The following GRID1 variants were observed in gnomAD, a reference collection of about 807,000 sequenced individuals.
GRID1 encodes the protein glutamate receptor ionotropic, delta-1.
In GRID1, 28 loss-of-function variants were observed where a neutral mutation model predicts 98.0. That is an observed-to-expected ratio of 0.29 (90% CI 0.21 to 0.39). GRID1 has a LOEUF of 0.39. Among genes scored for constraint, GRID1 ranks in the 10% least tolerant of loss-of-function variants. GRID1 has a pLI of 1.00. For synonymous variants in GRID1, 553 were observed against 538.5 expected, an observed-to-expected ratio of 1.03 and a Z score of -0.37; for missense variants, 1,111 against 1,340.5, an observed-to-expected ratio of 0.83 and a Z score of 2.67.
At chr10:85,686,906 AT>A (rs1472485371) in intron 12 of GRID1, among the ~76,000 whole-genome samples, 1 of 152,150 alleles carries the variant, frequency 6.6e-6, no homozygotes, top group African/African-American at 2.4e-5. Context: ...AGGACCTAAT[AT>A]TTATCAACTC....
At chr10:86,127,671 T>C (rs1844773952) in intron 4 of GRID1, among the ~76,000 whole-genome samples, 1 of 152,122 alleles carries the variant, frequency 6.6e-6, no homozygotes, top group African/African-American at 2.4e-5. Context: ...CTTTGTCACT[T>C]TTTCCTAGCC....
intron 5 of GRID1, among the ~76,000 whole-genome samples, chr10:85,900,816 T>C (rs1841371070): frequency 6.6e-6 from 1 of 152,176 alleles, no homozygotes; most frequent in African/African-American, 2.4e-5. Flanking sequence ...TCAGTACATG[T>C]ATGACGAATG....
chr10:86,096,036 C>A (rs1034974521), intron 4 of GRID1, among the ~76,000 whole-genome samples: 2 of 152,148 alleles, frequency 1.3e-5, no homozygotes, highest in African/African-American at 4.8e-5. Context: ...AATGAATTAA[C>A]AACATTTGCA....
At chr10:85,824,572 G>GT (rs1842802158) in intron 8 of GRID1, among the ~76,000 whole-genome samples, 1 of 152,064 alleles carries the variant, frequency 6.6e-6, no homozygotes, top group African/African-American at 2.4e-5. Flanking sequence ...AGCTTTTCAG[G>GT]TACAAGTGGT....
At chr10:85,733,137 C>T (rs1841843615) in intron 8 of GRID1, among the ~76,000 whole-genome samples, 1 of 152,200 alleles carries the variant, frequency 6.6e-6, no homozygotes, top group Admixed American at 6.5e-5. Flanking sequence ...TTTATCACAA[C>T]TAATGAATGT....
intron 8 of GRID1, among the ~76,000 whole-genome samples, chr10:85,812,124 TAA>T (rs977034752): frequency 6.6e-6 from 1 of 152,052 alleles, no homozygotes; most frequent in African/African-American, 2.4e-5. Flanking sequence ...GAGGGAGAAA[TAA>T]AGTCTTTCCC....
intron 8 of GRID1, among the ~76,000 whole-genome samples, chr10:85,828,349 G>A (rs113275916): frequency 0.016 from 2,434 of 151,856 alleles, 61 homozygotes; most frequent in African/African-American, 0.055. Flanking sequence ...GAAAGATCTC[G>A]AATGAACAAC....
At chr10:85,892,318 G>C (rs1322432950) in intron 5 of GRID1, among the ~76,000 whole-genome samples, 1 of 151,152 alleles carries the variant, frequency 6.6e-6, no homozygotes, top group Non-Finnish European at 1.5e-5. Flanking sequence ...GGAGAAGAGA[G>C]AGAAGGGGAT....
chr10:85,880,416 T>C (rs1260856955), intron 5 of GRID1, among the ~76,000 whole-genome samples: 1 of 152,202 alleles, frequency 6.6e-6, no homozygotes, highest in Non-Finnish European at 1.5e-5. Context: ...TCAAAAAGCT[T>C]GTCCACCATG....
At chr10:86,335,444 A>G (rs994900885) in intron 2 of GRID1, among the ~76,000 whole-genome samples, 2 of 152,262 alleles carry the variant, frequency 1.3e-5, no homozygotes, top group Non-Finnish European at 2.9e-5. Flanking sequence ...AGGACTTCTC[A>G]GAGCCTTAAA....
chr10:85,842,957 C>CA (rs1842973732), intron 8 of GRID1, among the ~76,000 whole-genome samples: 1 of 150,736 alleles, frequency 6.6e-6, no homozygotes, highest in African/African-American at 2.4e-5. Flanking sequence ...AAAACAAAAA[C>CA]AAAACAAAAA....
intron 6 of GRID1, among the ~76,000 whole-genome samples, chr10:85,856,844 G>A (rs1464577033): frequency 6.6e-6 from 1 of 152,246 alleles, no homozygotes; most frequent in African/African-American, 2.4e-5. Flanking sequence ...ACTGAAAGCA[G>A]TTCAAGACGA....
intron 5 of GRID1, among the ~76,000 whole-genome samples, chr10:85,907,628 T>C (rs1179347404): frequency 6.6e-6 from 1 of 152,184 alleles, no homozygotes; most frequent in Non-Finnish European, 1.5e-5. Flanking sequence ...ATTTATGAAC[T>C]CTTTCAGAAA....
At chr10:86,026,921 G>A (rs540205782) in intron 4 of GRID1, among the ~76,000 whole-genome samples, 1 of 152,164 alleles carries the variant, frequency 6.6e-6, no homozygotes, top group Non-Finnish European at 1.5e-5. Context: ...TAAAGTAGGA[G>A]AGCACCACTC....
At chr10:85,975,769 C>T (rs1440752026) in intron 4 of GRID1, among the ~76,000 whole-genome samples, 2 of 152,152 alleles carry the variant, frequency 1.3e-5, no homozygotes, top group South Asian at 2.1e-4. Flanking sequence ...AAAATCGACC[C>T]TCAAGGTCAA....
At position 85,879,799 on chromosome 10, in the gene GRID1, C is replaced by CA. The variant is rs1322346861; in HGVS notation, c.781-10620dup. On this transcript the variant is annotated intron_variant, in intron 5 of 15. Coordinates refer to ENST00000327946, the MANE Select transcript of GRID1 (RefSeq NM_017551.3). Reference sequence around the variant, plus strand: ...AGCAGAACTGAAGGAAATAGAGACACAAAAAACCCTTCAAAAAATTAATGA... The same window carrying CA: ...AGCAGAACTGAAGGAAATAGAGACACAAAAAAACCCTTCAAAAAATTAATGA... 2.2e-4 allele frequency among the ~76,000 whole-genome samples: 33 copies of CA among 152,102 alleles called. 1 individual carries two copies. The highest frequency in any genetic ancestry group is 1.7e-3 in the South Asian group (8 of 4,806).
chr10:85,933,846 A>C (rs1841891109), intron 4 of GRID1, among the ~76,000 whole-genome samples: 1 of 152,234 alleles, frequency 6.6e-6, no homozygotes, highest in African/African-American at 2.4e-5. Flanking sequence ...CAGGATGTGC[A>C]TGAGGGCTGG....
chr10:86,099,613 CAAATG>C lies in GRID1; in HGVS notation c.726+39201_726+39205del, dbSNP rs373595597. On this transcript the variant is annotated intron_variant, in intron 4 of 15. Coordinates refer to ENST00000327946, the MANE Select transcript of GRID1 (RefSeq NM_017551.3). ...ATGTCATCCATAAAGGGTCACAGAC[CAAATG>C]AAATGACTCTCATAAATTTCCCCAC... 1.7e-3 allele frequency among the ~76,000 whole-genome samples: 263 copies of C among 152,308 alleles called. 2 individuals carry two copies. The highest frequency in any genetic ancestry group is 5.9e-3 in the African/African-American group (247 of 41,560).
chr10:86,179,637 G>T (rs975400659), intron 3 of GRID1, among the ~76,000 whole-genome samples: 1 of 152,132 alleles, frequency 6.6e-6, no homozygotes, highest in East Asian at 1.9e-4. Context: ...AACTGGCCAC[G>T]GGACAGTGTC....
Sources: gnomAD v4.1 joint callset for allele counts (sites outside exome capture counted in the v4.1 genomes callset) on GRCh38, gnomAD v4.1.1 for gene constraint, MANE v1.5 for transcripts, NCBI Gene and HGNC (gene_info 2026-07-23, HGNC 2026-07-21) for gene names.